The following PPP2CB variants were observed in gnomAD, a reference collection of about 807,000 sequenced individuals.
The protein encoded by PPP2CB is serine/threonine-protein phosphatase 2A catalytic subunit beta isoform.
A neutral mutation model predicts 39.1 loss-of-function variants in PPP2CB; 18 were observed. The observed-to-expected ratio is 0.46, with a 90% confidence interval of 0.32 to 0.68. The LOEUF is 0.68. PPP2CB is among the 30% of genes least tolerant of loss of function. The pLI is 0.04. For synonymous variants in PPP2CB, 129 were observed against 133.8 expected (o/e 0.96, Z 0.25); for missense variants, 226 against 396.9 (o/e 0.57, Z 3.66).
In PPP2CB at chr8:30,812,461, G is replaced by T; in HGVS notation, c.-40C>A. On this transcript the variant is annotated 5_prime_UTR_variant, in exon 1 of 7. Coordinates refer to ENST00000221138, the MANE Select transcript of PPP2CB (RefSeq NM_001009552.2). ...GATGCGGATCCCGAGCCCCAGCCCG[G>T]CCGCCGCCCTCCCCCCTCCCCACCC... 1 of 1,408,726 alleles carries T rather than the reference G, an allele frequency of 7.1e-7. No individual in the cohort carries two copies. Among genetic ancestry groups the T allele is most frequent in the South Asian group, 1.4e-5 (1 of 73,880 alleles). 87.3% of individuals were successfully genotyped at this position (1,408,726 alleles called of 1,614,324 possible).
chr8:30,791,403 C>T, intron 5 of PPP2CB, 88 bp from the exon 6 acceptor site: 1 of 903,802 alleles, frequency 1.1e-6, no homozygotes, highest in South Asian at 1.5e-5. Context: ...TCAAAAACTA[C>T]AGGTACTCTC....
Position 30,812,415 on chromosome 8 carries a change from C to T in PPP2CB, c.7G>A (p.Asp3Asn). 6.5e-7 allele frequency: 1 copy of T among 1,534,290 alleles called. No homozygotes were observed. The highest frequency in any genetic ancestry group is 8.8e-7 in the Non-Finnish European group (1 of 1,137,038). Reference protein sequence around the residue: MDDKAFTKELDQW... With the variant: MDNKAFTKELDQW... ...TCCAGCTCCTTGGTGAACGCCTTGT[C>T]GTCCATGGCGGCCCGATCCCGATGC... The change falls in exon 1 of 7, where the codon GAC (aspartate) becomes AAC (asparagine). Residue 3 changes from aspartate to asparagine, a missense_variant. Physicochemically the swap from Asp to Asn is conservative, Grantham distance 23. Around this residue, in one of 4 missense-constraint regions of PPP2CB, gnomAD observed 59 missense variants for 42.6 expected, o/e 1.38. Coordinates refer to ENST00000221138, the MANE Select transcript of PPP2CB (RefSeq NM_001009552.2).
At chr8:30,791,012 G>T in intron 6 of PPP2CB, 185 bp downstream of exon 6, 1 of 514,166 alleles carries the variant, frequency 1.9e-6, no homozygotes. Context: ...TATGCCCTTA[G>T]GACAATTTCC....
At chr8:30,791,773 ATAT>A (rs755025916) in intron 5 of PPP2CB, among the ~76,000 whole-genome samples, 13 of 151,910 alleles carry the variant, frequency 8.6e-5, no homozygotes, top group South Asian at 8.3e-4. Context: ...TATCTCATTC[ATAT>A]TATTAGCTAT....
intron 3 of PPP2CB, among the ~76,000 whole-genome samples, 172 bp downstream of exon 3, chr8:30,797,409 A>T (rs75702981): frequency 0.032 from 4,891 of 152,310 alleles, 247 homozygotes; most frequent in African/African-American, 0.11. Flanking sequence ...GTCCAAATGT[A>T]TGTGAAACTT....
chr8:30,799,767 G>C lies in PPP2CB; in HGVS notation c.103-12C>G. 1 of 1,607,890 alleles carries C rather than the reference G, an allele frequency of 6.2e-7. No homozygotes were observed. Among genetic ancestry groups the C allele is most frequent in the Non-Finnish European group, 8.5e-7 (1 of 1,175,172 alleles). On this transcript the variant is annotated splice_polypyrimidine_tract_variant and intron_variant, in intron 1 of 6. Transcript: ENST00000221138. ...AAAATTTCCTTTGCCTGTTAGAAAA[G>C]TGAAATCAACAATTACAAAGTTAAA... is the stretch of plus-strand genomic sequence containing the variant.
At chr8:30,787,092 GTTTTGAACCAACC>G (rs1462784265) in intron 6 of PPP2CB, among the ~76,000 whole-genome samples, 2 of 152,108 alleles carry the variant, frequency 1.3e-5, no homozygotes, top group Non-Finnish European at 2.9e-5. Context: ...TGATTTTCAT[GTTTTGAACCAACC>G]TAGCATTCCT....
intron 1 of PPP2CB, among the ~76,000 whole-genome samples, chr8:30,806,406 A>G (rs1233256284): frequency 6.6e-6 from 1 of 152,146 alleles, no homozygotes; most frequent in Non-Finnish European, 1.5e-5. Context: ...TACAGGAACT[A>G]TTAGATCACA....
At chr8:30,800,974 AG>A (rs753913254) in intron 1 of PPP2CB, among the ~76,000 whole-genome samples, 2 of 151,860 alleles carry the variant, frequency 1.3e-5, no homozygotes, top group African/African-American at 2.4e-5. Context: ...TGGGAGGCCG[AG>A]GGGGGAGGAT....
At chr8:30,804,755 G>A (rs1480671769) in intron 1 of PPP2CB, among the ~76,000 whole-genome samples, 1 of 152,086 alleles carries the variant, frequency 6.6e-6, no homozygotes, top group Non-Finnish European at 1.5e-5. Flanking sequence ...GGTACATCAT[G>A]ACTAAACTTT....
In PPP2CB at chr8:30,793,810, C is replaced by T. The variant is rs181176964; in HGVS notation, c.738+107G>A. The T allele has an allele frequency of 7.4e-5, 95 of 1,284,410 alleles. No homozygotes were observed. The African/African-American group carries it at 1.2e-3, about 16-fold the overall frequency. 79.6% of individuals were successfully genotyped at this position (1,284,410 alleles called of 1,614,324 possible). A position where few individuals can be genotyped will look rare whatever the true frequency, so the allele number is the denominator to read the frequency against. The stretch of plus-strand genomic sequence containing the variant: ...AACCAGCAAGTTTTTCCTCTTTTCA[C>T]CTAGGTAATAAATGGTGAGGAATGT... On this transcript the variant is annotated intron_variant, in intron 5 of 6. Transcript: ENST00000221138.
intron 1 of PPP2CB, among the ~76,000 whole-genome samples, chr8:30,806,866 C>T (rs1355941157): frequency 1.3e-5 from 2 of 152,118 alleles, no homozygotes; most frequent in Non-Finnish European, 2.9e-5. Context: ...AGGTAAATAT[C>T]TTATGGCAAG....
At chr8:30,789,321 T>C (rs1451033802) in intron 6 of PPP2CB, among the ~76,000 whole-genome samples, 1 of 152,196 alleles carries the variant, frequency 6.6e-6, no homozygotes, top group Non-Finnish European at 1.5e-5. Flanking sequence ...TGAGCCACCG[T>C]GCCTGACCGT....
Position 30,799,737 on chromosome 8 carries a change from T to C in PPP2CB, c.121A>G (p.Lys41Glu), listed in dbSNP as rs761796056. 2.7e-5 allele frequency: 44 copies of C among 1,613,644 alleles called. No individual in the cohort carries two copies. The highest frequency in any genetic ancestry group is 2.3e-4 in the Admixed American group (14 of 59,982). ...CGAACCTCTTGCACATTTGATTCTT[T>C]TGTTAAAATTTCCTTTGCCTGTTAG... is the stretch of plus-strand genomic sequence containing the variant. ...LCEKAKEILTKESNVQEVRCP... is the reference protein window; with the variant it reads ...LCEKAKEILTEESNVQEVRCP... Residue 41 changes from lysine to glutamate, a missense_variant, in exon 2 of 7, where the codon AAA becomes GAA. Physicochemically the swap from Lys to Glu is moderately conservative, Grantham distance 56. Coordinates refer to ENST00000221138, the MANE Select transcript of PPP2CB (RefSeq NM_001009552.2).
At chr8:30,803,543 T>TAAAAA (rs111420782) in intron 1 of PPP2CB, among the ~76,000 whole-genome samples, 1 of 142,650 alleles carries the variant, frequency 7.0e-6, no homozygotes. Flanking sequence ...ATCCTGCCTT[T>TAAAAA]AAAAAAAAAA....
Position 30,785,922 on chromosome 8 carries a change from A to C in PPP2CB, c.*313T>G, listed in dbSNP as rs1172656570. On this transcript the variant is annotated 3_prime_UTR_variant, in exon 7 of 7. Transcript: ENST00000221138. ...TAAACACTATAACTAAAATTTCCAA[A>C]TAAGCGCAAAAGGAGATGAAGCAGT... 3 of 497,242 alleles carry C rather than the reference A, an allele frequency of 6.0e-6. No individual in the cohort carries two copies. The highest frequency in any genetic ancestry group is 1.2e-5 in the Non-Finnish European group (3 of 258,634). The allele number at this position is 497,242 out of a possible 1,614,324, so 30.8% of individuals were successfully genotyped here. A position where few individuals can be genotyped will look rare whatever the true frequency, so the allele number is the denominator to read the frequency against.
intron 6 of PPP2CB, among the ~76,000 whole-genome samples, chr8:30,789,896 G>A (rs964065093): frequency 1.3e-5 from 2 of 152,150 alleles, no homozygotes; most frequent in African/African-American, 4.8e-5. Context: ...CGCTCTCTCT[G>A]AAGGCTCTAG....
chr8:30,790,242 C>T (rs1806408841), intron 6 of PPP2CB, among the ~76,000 whole-genome samples: 1 of 152,196 alleles, frequency 6.6e-6, no homozygotes, highest in Non-Finnish European at 1.5e-5. Flanking sequence ...CTACTCTTGA[C>T]TGCTCCTGAG....
chr8:30,791,364 GAC>G lies in PPP2CB; in HGVS notation c.739-51_739-50del, dbSNP rs754765664. 2.2e-6 allele frequency: 3 copies of G among 1,341,096 alleles called. No homozygotes were observed. In the African/African-American group the frequency reaches 4.5e-5, roughly 20 times the overall value. 83.1% of individuals were successfully genotyped at this position (1,341,096 alleles called of 1,614,324 possible). ...TATTTCATTATAATATTATGATTTTGACACAGACACATTTAAAAAAAACTAAA... is the reference window on the plus strand; with the variant it reads ...TATTTCATTATAATATTATGATTTTGACAGACACATTTAAAAAAAACTAAA... On this transcript the variant is annotated intron_variant, in intron 5 of 6. Coordinates refer to ENST00000221138, the MANE Select transcript of PPP2CB (RefSeq NM_001009552.2).
Sources: allele counts gnomAD v4.1 joint callset (sites outside exome capture counted in the v4.1 genomes callset), GRCh38; gene constraint gnomAD v4.1.1; regional missense constraint gnomAD v4.1.1; transcripts MANE v1.5; gene names NCBI Gene and HGNC (gene_info 2026-07-23, HGNC 2026-07-21).